Variants in NHS observed in about 807,000 individuals in gnomAD.
The protein encoded by NHS is NHS actin remodeling regulator.
In NHS, 5 loss-of-function variants were observed where a neutral mutation model predicts 72.5. The ratio of observed to expected loss-of-function variants is 0.07; its 90% confidence interval spans 0.04 to 0.14. NHS has a LOEUF of 0.14. Ranked by LOEUF, NHS falls within the 10% of genes least tolerant of loss-of-function variation. The probability of loss-of-function intolerance (pLI) is 1.00; values close to 1 mark genes in which losing one functional copy is unlikely to be tolerated. For synonymous variants in NHS, 464 were observed against 547.7 expected (o/e 0.85, Z 2.13); for missense variants, 1,072 against 1,355.7 (o/e 0.79, Z 3.29).
intron 1 of NHS, among the ~76,000 whole-genome samples, chrX:17,407,101 T>C (rs2064532821): frequency 9.0e-6 from 1 of 111,657 alleles, no homozygotes; most frequent in South Asian, 3.8e-4. Flanking sequence ...TCATCTCCCA[T>C]GCATTGTTTT....
intron 1 of NHS, among the ~76,000 whole-genome samples, chrX:17,589,202 AT>A (rs2065590419): frequency 9.0e-6 from 1 of 111,458 alleles, no homozygotes; most frequent in Non-Finnish European, 1.9e-5. Context: ...AACAGGTGGC[AT>A]TTGGTTACAC....
chrX:17,568,257 C>G (rs1480581632), intron 1 of NHS, among the ~76,000 whole-genome samples: 1 of 111,947 alleles, frequency 8.9e-6, no homozygotes, highest in Non-Finnish European at 1.9e-5. Flanking sequence ...TGAGCTGTCC[C>G]ATGTAGAAGG....
intron 1 of NHS, among the ~76,000 whole-genome samples, chrX:17,393,571 T>A (rs1363189703): frequency 8.9e-6 from 1 of 112,447 alleles, no homozygotes; most frequent in East Asian, 2.8e-4. Context: ...GTGAGGAGAA[T>A]CCTCTTGGAT....
intron 1 of NHS, among the ~76,000 whole-genome samples, chrX:17,541,967 C>T (rs1021597190): frequency 1.4e-4 from 16 of 111,952 alleles, no homozygotes; most frequent in Non-Finnish European, 3.0e-4. Flanking sequence ...GCCCTTCTCT[C>T]TTGGGAGCAT....
At chrX:17,546,308 G>A (rs112320754) in intron 1 of NHS, among the ~76,000 whole-genome samples, 6,632 of 112,079 alleles carry the variant, frequency 0.059, 212 homozygotes, top group Non-Finnish European at 0.09. Flanking sequence ...CTCCTGGCAG[G>A]GCCAAACAGG....
chrX:17,471,399 C>T (rs2064892090), intron 1 of NHS, among the ~76,000 whole-genome samples: 1 of 112,312 alleles, frequency 8.9e-6, no homozygotes, highest in Non-Finnish European at 1.9e-5. Flanking sequence ...CTCTCCTTTG[C>T]CAAGCTTTCC....
intron 1 of NHS, among the ~76,000 whole-genome samples, chrX:17,444,310 A>G (rs1203140106): frequency 8.9e-6 from 1 of 112,059 alleles, no homozygotes. Context: ...AGGTTGGGTC[A>G]GGGACCAACA....
At chrX:17,657,081 C>G (rs2065960309) in intron 1 of NHS, among the ~76,000 whole-genome samples, 1 of 112,896 alleles carries the variant, frequency 8.9e-6, no homozygotes, top group Non-Finnish European at 1.9e-5. Context: ...GCCCCCACCT[C>G]TCTGGCGCAC....
At chrX:17,489,226 A>T (rs2064979951) in intron 1 of NHS, among the ~76,000 whole-genome samples, 1 of 112,103 alleles carries the variant, frequency 8.9e-6, no homozygotes, top group Non-Finnish European at 1.9e-5. Context: ...AGTCTTTGCT[A>T]TTGTGAACAG....
chrX:17,519,307 C>A (rs1411454917), intron 1 of NHS, among the ~76,000 whole-genome samples: 1 of 112,490 alleles, frequency 8.9e-6, no homozygotes, highest in Non-Finnish European at 1.9e-5. Context: ...ATCCTCTGGA[C>A]TTTCTGGAAC....
At chrX:17,710,339 G>C (rs1187229789) in intron 3 of NHS, among the ~76,000 whole-genome samples, 4 of 112,524 alleles carry the variant, frequency 3.6e-5, no homozygotes. Flanking sequence ...GTCAATAAAA[G>C]TACTTGTGTA....
At chrX:17,606,579 C>T (rs998823258) in intron 1 of NHS, among the ~76,000 whole-genome samples, 5 of 112,012 alleles carry the variant, frequency 4.5e-5, no homozygotes, top group Non-Finnish European at 9.4e-5. Flanking sequence ...TGATCAAAAA[C>T]GACCAGTTGG....
chrX:17,562,090 A>G (rs748014515), intron 1 of NHS, among the ~76,000 whole-genome samples: 16 of 111,672 alleles, frequency 1.4e-4, no homozygotes, highest in Non-Finnish European at 5.6e-5. Flanking sequence ...TAGATTCTAT[A>G]AATGGGTTGG....
chrX:17,429,257 T>TGTGTGTGTGC (rs1460333806), intron 1 of NHS, among the ~76,000 whole-genome samples: 3,205 of 106,485 alleles, frequency 0.03, 162 homozygotes, highest in African/African-American at 0.1. Flanking sequence ...TGTGTGTGTG[T>TGTGTGTGTGC]GCACACGTGC....
At chrX:17,642,070 C>G (rs1046581087) in intron 1 of NHS, among the ~76,000 whole-genome samples, 3 of 111,230 alleles carry the variant, frequency 2.7e-5, no homozygotes, top group Non-Finnish European at 5.7e-5. Context: ...CTCAGCTTCC[C>G]GAGTAGCTAG....
intron 2 of NHS, among the ~76,000 whole-genome samples, chrX:17,690,307 G>T (rs896226093): frequency 8.9e-6 from 1 of 112,529 alleles, no homozygotes; most frequent in Non-Finnish European, 1.9e-5. Context: ...TGGTGGCCAT[G>T]AATAATACTG....
At chrX:17,518,220 G>A (rs1043869692) in intron 1 of NHS, among the ~76,000 whole-genome samples, 7 of 111,733 alleles carry the variant, frequency 6.3e-5, no homozygotes, top group African/African-American at 1.6e-4. Context: ...GCTCAGAAGC[G>A]ACACAACCCT....
chrX:17,414,250 T>A (rs2064579460), intron 1 of NHS, among the ~76,000 whole-genome samples: 1 of 112,308 alleles, frequency 8.9e-6, no homozygotes, highest in African/African-American at 3.2e-5. Flanking sequence ...TTTGCTTTTT[T>A]GTGAAATGAG....
At chrX:17,559,122 G>C (rs908612225) in intron 1 of NHS, among the ~76,000 whole-genome samples, 4 of 111,944 alleles carry the variant, frequency 3.6e-5, no homozygotes, top group African/African-American at 1.3e-4. Flanking sequence ...TTTCTATGTG[G>C]CTCCCTGAGA....
Sources: gnomAD v4.1 joint callset for allele counts (sites outside exome capture counted in the v4.1 genomes callset) on GRCh38, gnomAD v4.1.1 for gene constraint, MANE v1.5 for transcripts, NCBI Gene and HGNC (gene_info 2026-07-23, HGNC 2026-07-21) for gene names.